The following MARCHF1 variants were observed in gnomAD, a reference collection of about 807,000 sequenced individuals.
MARCHF1 encodes the protein E3 ubiquitin-protein ligase MARCHF1.
In MARCHF1, 40 loss-of-function variants were observed where a neutral mutation model predicts 54.2. The ratio of observed to expected loss-of-function variants is 0.74; its 90% CI spans 0.57 to 0.96. MARCHF1 has a LOEUF of 0.96. Ranked by LOEUF, MARCHF1 falls within the 40% of genes least tolerant of loss-of-function variation. The pLI, the probability that MARCHF1 is intolerant of heterozygous loss-of-function variation, is 0.00. For synonymous variants in MARCHF1, 236 were observed against 236.3 expected, an observed-to-expected ratio of 1.00 and a Z score of 0.01; for missense variants, 586 against 656.5, an observed-to-expected ratio of 0.89 and a Z score of 1.17.
intron 2 of MARCHF1, among the ~76,000 whole-genome samples, chr4:164,053,005 TAG>T (rs1754406573): frequency 6.6e-6 from 1 of 152,300 alleles, no homozygotes; most frequent in Admixed American, 6.5e-5. Flanking sequence ...TTTCTACTTT[TAG>T]AGTTTCTCCA....
chr4:164,290,298 GA>G (rs1734256951), intron 1 of MARCHF1, among the ~76,000 whole-genome samples: 1 of 151,868 alleles, frequency 6.6e-6, no homozygotes, highest in Admixed American at 6.6e-5. Context: ...TAAAAAATCA[GA>G]GAGACCTGTT....
chr4:164,221,601 T>C (rs1732114915), intron 1 of MARCHF1, among the ~76,000 whole-genome samples: 1 of 151,818 alleles, frequency 6.6e-6, no homozygotes, highest in South Asian at 2.1e-4. Flanking sequence ...ATAAGTTTCT[T>C]TTTTTTTACA....
intron 2 of MARCHF1, among the ~76,000 whole-genome samples, chr4:164,088,134 C>T (rs530730501): frequency 1.1e-4 from 17 of 152,134 alleles, no homozygotes; most frequent in East Asian, 9.7e-4. Flanking sequence ...AGTGAAATAA[C>T]GTTAAAAATG....
intron 1 of MARCHF1, among the ~76,000 whole-genome samples, chr4:164,121,038 A>C (rs879774078): frequency 2.6e-5 from 4 of 152,052 alleles, no homozygotes; most frequent in Admixed American, 1.3e-4. Context: ...GGAAACAAAA[A>C]GTTGTTTTTT....
chr4:164,009,936 G>T (rs1008992047), intron 2 of MARCHF1, among the ~76,000 whole-genome samples: 1 of 151,686 alleles, frequency 6.6e-6, no homozygotes, highest in African/African-American at 2.4e-5. Flanking sequence ...TGAAAGTACT[G>T]GACAGAGCAA....
intron 1 of MARCHF1, among the ~76,000 whole-genome samples, chr4:164,161,896 G>A (rs1229019942): frequency 6.6e-6 from 1 of 152,080 alleles, no homozygotes; most frequent in African/African-American, 2.4e-5. Context: ...TTGACACATA[G>A]TTCACTGAGG....
intron 4 of MARCHF1, among the ~76,000 whole-genome samples, chr4:163,775,637 G>A (rs1747283291): frequency 6.6e-6 from 1 of 152,146 alleles, no homozygotes; most frequent in Non-Finnish European, 1.5e-5. Flanking sequence ...ATTATTTTCA[G>A]AGATTAAAGG....
chr4:164,186,038 G>T (rs544642565), intron 1 of MARCHF1, among the ~76,000 whole-genome samples: 1 of 151,964 alleles, frequency 6.6e-6, no homozygotes, highest in Admixed American at 6.5e-5. Context: ...GACTACAGGC[G>T]CCTGCCACCA....
At chr4:163,860,348 T>C (rs1180864097) in intron 3 of MARCHF1, among the ~76,000 whole-genome samples, 1 of 152,140 alleles carries the variant, frequency 6.6e-6, no homozygotes, top group Non-Finnish European at 1.5e-5. Flanking sequence ...AACTTATCTA[T>C]ATTTCATGAG....
At chr4:164,149,915 CA>C (rs1418723471) in intron 1 of MARCHF1, among the ~76,000 whole-genome samples, 2 of 152,184 alleles carry the variant, frequency 1.3e-5, no homozygotes, top group African/African-American at 4.8e-5. Context: ...GTGTCTCATT[CA>C]GGGCTGGCCC....
At chr4:163,944,502 G>A (rs1045786529) in intron 3 of MARCHF1, among the ~76,000 whole-genome samples, 8 of 152,120 alleles carry the variant, frequency 5.3e-5, no homozygotes, top group Non-Finnish European at 1.0e-4. Flanking sequence ...TAACTCTGAT[G>A]TGCCACATTC....
intron 7 of MARCHF1, among the ~76,000 whole-genome samples, chr4:163,607,129 A>G (rs1459265491): frequency 6.6e-6 from 1 of 152,056 alleles, no homozygotes; most frequent in Non-Finnish European, 1.5e-5. Flanking sequence ...GGAGTTCCTG[A>G]AGCCATCTGT....
At chr4:163,645,138 A>C (rs961083285) in intron 5 of MARCHF1, among the ~76,000 whole-genome samples, 2 of 152,148 alleles carry the variant, frequency 1.3e-5, no homozygotes, top group Non-Finnish European at 1.5e-5. Context: ...CTTCAGACTC[A>C]AAAGTGGACC....
At chr4:163,902,493 T>C (rs922017076) in intron 3 of MARCHF1, among the ~76,000 whole-genome samples, 4 of 152,036 alleles carry the variant, frequency 2.6e-5, no homozygotes, top group African/African-American at 9.7e-5. Context: ...AATGAGAAAA[T>C]CTTTGAGACA....
chr4:164,264,737 T>C (rs1327124074), intron 1 of MARCHF1, among the ~76,000 whole-genome samples: 1 of 151,898 alleles, frequency 6.6e-6, no homozygotes, highest in African/African-American at 2.4e-5. Context: ...CTGGCCAACA[T>C]GGTGAAACCC....
chr4:163,905,618 G>A (rs186958308), intron 3 of MARCHF1, among the ~76,000 whole-genome samples: 4 of 152,186 alleles, frequency 2.6e-5, no homozygotes, highest in Admixed American at 2.6e-4. Context: ...CCAAATCCTC[G>A]AAGATATTGC....
At chr4:163,944,021 G>A (rs1751972231) in intron 3 of MARCHF1, among the ~76,000 whole-genome samples, 1 of 151,708 alleles carries the variant, frequency 6.6e-6, no homozygotes, top group Non-Finnish European at 1.5e-5. Context: ...AGGCTGGAGT[G>A]CAGTGATGTG....
intron 1 of MARCHF1, among the ~76,000 whole-genome samples, chr4:164,372,444 G>A (rs1045564197): frequency 6.6e-6 from 1 of 151,998 alleles, no homozygotes; most frequent in African/African-American, 2.4e-5. Flanking sequence ...TATATATTTT[G>A]GATACATTTC....
At chr4:164,063,208 C>A (rs992062152) in intron 2 of MARCHF1, among the ~76,000 whole-genome samples, 1 of 152,206 alleles carries the variant, frequency 6.6e-6, no homozygotes, top group Non-Finnish European at 1.5e-5. Flanking sequence ...TCACCAGCTG[C>A]ATTAGCCCCT....
Sources: gnomAD v4.1 joint callset for allele counts (sites outside exome capture counted in the v4.1 genomes callset) on GRCh38, gnomAD v4.1.1 for gene constraint, MANE v1.5 for transcripts, NCBI Gene and HGNC (gene_info 2026-07-23, HGNC 2026-07-21) for gene names.